The following GXYLT2 variants were observed in gnomAD, a reference collection of about 807,000 sequenced individuals.
GXYLT2 encodes the protein glycosyltransferase 8 domain containing 4.
In GXYLT2, 53 loss-of-function variants were observed where a neutral mutation model predicts 45.8. The observed-to-expected ratio is 1.16, with a 90% CI of 0.93 to 1.46. The LOEUF (loss-of-function observed/expected upper bound fraction) is 1.46, where lower values mean the gene tolerates loss of function less well. GXYLT2 is among the 40% of genes most tolerant of loss of function. GXYLT2 has a pLI of 0.00. For missense variants in GXYLT2, 551 were observed against 544.4 expected (o/e 1.01, Z -0.12); for synonymous variants, 219 against 214.2 (o/e 1.02, Z -0.19).
At chr3:72,896,712 G>T (rs2107062012) in intron 1 of GXYLT2, among the ~76,000 whole-genome samples, 1 of 152,262 alleles carries the variant, frequency 6.6e-6, no homozygotes, top group Non-Finnish European at 1.5e-5. Context: ...AGCCGGGCAT[G>T]GTGGCAGGTG....
chr3:72,920,571 A>G (rs1709813925), intron 2 of GXYLT2, among the ~76,000 whole-genome samples: 1 of 152,122 alleles, frequency 6.6e-6, no homozygotes, highest in South Asian at 2.1e-4. Context: ...CACCTGGCTG[A>G]CTTTCTGTAA....
intron 3 of GXYLT2, among the ~76,000 whole-genome samples, chr3:72,935,232 A>T (rs1185267601): frequency 6.6e-6 from 1 of 152,218 alleles, no homozygotes; most frequent in Non-Finnish European, 1.5e-5. Flanking sequence ...TTAGAGGATT[A>T]AAAAAACCTC....
intron 2 of GXYLT2, among the ~76,000 whole-genome samples, chr3:72,913,509 A>G (rs151120546): frequency 6.6e-6 from 1 of 151,950 alleles, no homozygotes; most frequent in Non-Finnish European, 1.5e-5. Context: ...AGTCTGGCCA[A>G]CGTGTCAAAA....
Position 72,889,896 on chromosome 3 carries a change from G to GTTTTTTT in GXYLT2, c.275+1392_275+1398dup, listed in dbSNP as rs369830925. Among the ~76,000 whole-genome samples the GTTTTTTT allele has an allele frequency of 2.1e-3, 283 of 135,480 alleles. 5 individuals carry two copies. The highest frequency in any genetic ancestry group is 7.8e-3 in the African/African-American group (273 of 34,934). The allele number at this position is 135,480 out of a possible 152,430, so 88.9% of individuals were successfully genotyped here. ...CCCCCCCACCGCTGTTTTTCTTTTG[G>GTTTTTTT]TTTTTTTTTTGTTTTTTTTTTTTTT... On this transcript the variant is annotated intron_variant, in intron 1 of 6. Transcript: ENST00000389617.
chr3:72,909,987 C>A (rs376270734), intron 2 of GXYLT2, among the ~76,000 whole-genome samples: 161 of 151,998 alleles, frequency 1.1e-3, no homozygotes, highest in Non-Finnish European at 2.0e-3. Flanking sequence ...ACATCTTTAC[C>A]AAGAGAAACC....
At chr3:72,930,272 C>T (rs1386365427) in intron 3 of GXYLT2, among the ~76,000 whole-genome samples, 4 of 151,560 alleles carry the variant, frequency 2.6e-5, no homozygotes, top group East Asian at 2.0e-4. Flanking sequence ...CTAGCTGATG[C>T]GGGCAGATCA....
chr3:72,951,249 T>C (rs919221019), intron 3 of GXYLT2, among the ~76,000 whole-genome samples: 1 of 152,172 alleles, frequency 6.6e-6, no homozygotes, highest in African/African-American at 2.4e-5. Context: ...TATGTACTTA[T>C]TTTCAGTCCA....
At position 72,905,654 on chromosome 3, in the gene GXYLT2, T is replaced by C. The variant is rs1709496382; in HGVS notation, c.276-2713T>C. Among the ~76,000 whole-genome samples the C allele has an allele frequency of 2.0e-5, 3 of 152,190 alleles. No individual in the cohort carries two copies. The South Asian group carries it at 6.2e-4, about 32-fold the overall frequency. ...CAGGTTATATATGCAGGAGTTGGACTGCGGGGGTGGAAGGTGTACATCCAT... is the reference window on the plus strand; with the variant it reads ...CAGGTTATATATGCAGGAGTTGGACCGCGGGGGTGGAAGGTGTACATCCAT... On this transcript the variant is annotated intron_variant, in intron 1 of 6. Coordinates refer to ENST00000389617, the MANE Select transcript of GXYLT2 (RefSeq NM_001080393.2).
Position 72,908,386 on chromosome 3 carries a change from A to G in GXYLT2, c.295A>G (p.Ser99Gly). 2 of 1,609,268 alleles carry G rather than the reference A, an allele frequency of 1.2e-6. No homozygotes were observed. The highest frequency in any genetic ancestry group is 1.7e-5 in the Admixed American group (1 of 58,544). ...KLARRPGEPR[S>G]FQAVLPPELW... ...TTCTAGGAGGCCTGGAGAACCCAGG[A>G]GTTTCCAAGCTGTGCTGCCACCCGA... The change falls in exon 2 of 7, where the codon AGT becomes GGT. Residue 99 changes from serine to glycine, a missense_variant. Physicochemically the swap from Ser to Gly is moderately conservative, Grantham distance 56 (BLOSUM62 0). Transcript: ENST00000389617.
chr3:72,954,327 C>G (rs747232031), intron 3 of GXYLT2, among the ~76,000 whole-genome samples: 23 of 151,296 alleles, frequency 1.5e-4, no homozygotes, highest in Non-Finnish European at 2.8e-4. Flanking sequence ...AGGATGGTCT[C>G]GATCTCTTGA....
chr3:72,928,939 A>G, intron 3 of GXYLT2: 1 of 743,800 alleles, frequency 1.3e-6, no homozygotes, highest in Non-Finnish European at 2.3e-6. Context: ...GGCCGCCCAT[A>G]GCCAGTCCTC....
chr3:72,890,721 TAGG>T (rs1280621736), intron 1 of GXYLT2, among the ~76,000 whole-genome samples: 2 of 152,224 alleles, frequency 1.3e-5, no homozygotes, highest in African/African-American at 2.4e-5. Context: ...TGTCTCTGAC[TAGG>T]AGGAGATCAT....
intron 1 of GXYLT2, among the ~76,000 whole-genome samples, chr3:72,900,439 G>T (rs1033955777): frequency 1.3e-5 from 2 of 151,896 alleles, no homozygotes; most frequent in African/African-American, 2.4e-5. Context: ...TTGAGACGGA[G>T]TTTCACTCTT....
In GXYLT2 at chr3:72,946,662, G is replaced by A. The variant is rs181029257; in HGVS notation, c.601-8436G>A. On this transcript the variant is annotated intron_variant, in intron 3 of 6. Transcript: ENST00000389617. ...CTTTATAAGGGTGCTAATCCTATTC[G>A]TGAGGGCTCCACCCTTATAACCTTA... Among the ~76,000 whole-genome samples, 16 of 152,208 alleles carry A rather than the reference G, an allele frequency of 1.1e-4. No homozygotes were observed. The East Asian group carries it at 1.2e-3, about 11-fold the overall frequency.
At chr3:72,968,917 T>G (rs887319973) in intron 6 of GXYLT2, among the ~76,000 whole-genome samples, 2 of 151,888 alleles carry the variant, frequency 1.3e-5, no homozygotes, top group Non-Finnish European at 2.9e-5. Flanking sequence ...AAAAAATTTT[T>G]TTTTGGTGCT....
At chr3:72,967,820 C>A in intron 6 of GXYLT2, 101 bp downstream of exon 6, 1 of 977,788 alleles carries the variant, frequency 1.0e-6, no homozygotes, top group Non-Finnish European at 1.6e-6. Flanking sequence ...ATTCCCAAAG[C>A]ATAGAGTTAT....
At chr3:72,966,458 C>CTTTTTTTTTTTT (rs10662974) in intron 5 of GXYLT2, among the ~76,000 whole-genome samples, 1 of 101,614 alleles carries the variant, frequency 9.8e-6, no homozygotes, top group Admixed American at 1.3e-4. Context: ...TTGTGTGTAT[C>CTTTTTTTTTTTT]TTTTTTTTTT....
intron 3 of GXYLT2, among the ~76,000 whole-genome samples, chr3:72,934,343 C>T (rs1191086832): frequency 6.6e-6 from 1 of 152,068 alleles, no homozygotes; most frequent in Non-Finnish European, 1.5e-5. Flanking sequence ...GCCTCAGTCT[C>T]CCAAAGTGCT....
chr3:72,961,674 A>AAAAGAGAG, intron 5 of GXYLT2, among the ~76,000 whole-genome samples: 1 of 118,978 alleles, frequency 8.4e-6, no homozygotes, highest in Non-Finnish European at 1.7e-5. Context: ...AAAAAAAAAA[A>AAAAGAGAG]AGAGAGAGAG....
Sources: allele counts gnomAD v4.1 joint callset (sites outside exome capture counted in the v4.1 genomes callset), GRCh38; gene constraint gnomAD v4.1.1; transcripts MANE v1.5; gene names NCBI Gene and HGNC (gene_info 2026-07-23, HGNC 2026-07-21).